TBC1D22A: variants seen among roughly 807,000 people sequenced by gnomAD.
The protein encoded by TBC1D22A is putative GTPase activator.
A neutral mutation model predicts 60.2 loss-of-function variants in TBC1D22A; 38 were observed. That is an observed-to-expected ratio of 0.63 (90% CI 0.49 to 0.83). The LOEUF (loss-of-function observed/expected upper bound fraction) is 0.83, where lower values mean the gene tolerates loss of function less well. Ranked by LOEUF, TBC1D22A falls within the 40% of genes least tolerant of loss-of-function variation. The pLI, the probability that TBC1D22A is intolerant of heterozygous loss-of-function variation, is 0.00. For missense variants in TBC1D22A, 628 were observed against 701.0 expected, an observed-to-expected ratio of 0.90 and a Z score of 1.18; for synonymous variants, 302 against 281.7, an observed-to-expected ratio of 1.07 and a Z score of -0.72.
chr22:47,091,943 T>C (rs1468563573), intron 11 of TBC1D22A, among the ~76,000 whole-genome samples: 1 of 152,256 alleles, frequency 6.6e-6, no homozygotes, highest in African/African-American at 2.4e-5. Flanking sequence ...GTGTCATCTC[T>C]AATTCTTACC....
chr22:47,166,463 G>A (rs2068213013), intron 12 of TBC1D22A, among the ~76,000 whole-genome samples: 2 of 151,994 alleles, frequency 1.3e-5, no homozygotes, highest in Admixed American at 1.3e-4. Flanking sequence ...ACATTCTTTT[G>A]TTCTTAATAA....
chr22:46,998,832 A>G (rs1031715582), intron 10 of TBC1D22A, among the ~76,000 whole-genome samples: 2 of 152,218 alleles, frequency 1.3e-5, no homozygotes, highest in Non-Finnish European at 2.9e-5. Context: ...TCAACCCATC[A>G]TCTGTTAAAA....
At chr22:47,073,790 A>G (rs1236252254) in intron 11 of TBC1D22A, among the ~76,000 whole-genome samples, 1 of 152,210 alleles carries the variant, frequency 6.6e-6, no homozygotes, top group Non-Finnish European at 1.5e-5. Flanking sequence ...TAGGCCTTAA[A>G]GACACCACCC....
chr22:47,135,116 T>C (rs1348758899), intron 12 of TBC1D22A, among the ~76,000 whole-genome samples: 1 of 152,212 alleles, frequency 6.6e-6, no homozygotes, highest in African/African-American at 2.4e-5. Flanking sequence ...CTGCCGAGTG[T>C]CTTCCTCAGG....
At chr22:46,881,867 C>T (rs2067868357) in intron 5 of TBC1D22A, among the ~76,000 whole-genome samples, 1 of 152,220 alleles carries the variant, frequency 6.6e-6, no homozygotes, top group Admixed American at 6.5e-5. Context: ...CCCAGGCAGT[C>T]ATGCTGCACC....
chr22:47,021,695 T>TAATATGTG (rs2062095738), intron 10 of TBC1D22A, among the ~76,000 whole-genome samples: 1 of 152,238 alleles, frequency 6.6e-6, no homozygotes, highest in Non-Finnish European at 1.5e-5. Flanking sequence ...CTGTGACCCA[T>TAATATGTG]ACAGACTCAT....
chr22:47,109,139 A>G (rs2065750992), intron 11 of TBC1D22A, among the ~76,000 whole-genome samples: 1 of 152,224 alleles, frequency 6.6e-6, no homozygotes, highest in South Asian at 2.1e-4. Context: ...GCCCTGCGTG[A>G]GGTTAGAGGT....
intron 11 of TBC1D22A, among the ~76,000 whole-genome samples, chr22:47,061,450 C>T (rs374926949): frequency 2.0e-5 from 3 of 152,174 alleles, no homozygotes; most frequent in East Asian, 3.9e-4. Flanking sequence ...CTTTCCTGCT[C>T]GTCCTCAGCC....
chr22:47,012,182 C>T (rs1043654754), intron 10 of TBC1D22A, among the ~76,000 whole-genome samples: 12 of 152,044 alleles, frequency 7.9e-5, no homozygotes, highest in Non-Finnish European at 1.5e-4. Context: ...ATTTATTTTC[C>T]ACCACCCCAA....
chr22:47,074,724 C>T (rs2064133491), intron 11 of TBC1D22A, among the ~76,000 whole-genome samples: 1 of 152,212 alleles, frequency 6.6e-6, no homozygotes, highest in Admixed American at 6.5e-5. Context: ...ACAGATGCTC[C>T]ATGTCATCCT....
At chr22:46,958,883 C>T (rs912068933) in intron 8 of TBC1D22A, among the ~76,000 whole-genome samples, 16 of 152,254 alleles carry the variant, frequency 1.1e-4, no homozygotes, top group Admixed American at 2.6e-4. Context: ...CAGCAGCCTT[C>T]TCATTGTCTG....
chr22:46,966,607 G>A (rs1485347779), intron 8 of TBC1D22A, among the ~76,000 whole-genome samples: 1 of 152,176 alleles, frequency 6.6e-6, no homozygotes, highest in Non-Finnish European at 1.5e-5. Context: ...CTATGAGATT[G>A]GAATTTTTGC....
At chr22:46,915,283 T>C (rs2070278233) in intron 8 of TBC1D22A, 1 of 408,342 alleles carries the variant, frequency 2.4e-6, no homozygotes, top group Non-Finnish European at 5.0e-6. Context: ...ACGGGTGCCC[T>C]CCAGAGAGGC....
chr22:46,908,375 C>A (rs1398054239), intron 7 of TBC1D22A, among the ~76,000 whole-genome samples: 2 of 152,156 alleles, frequency 1.3e-5, no homozygotes, highest in Non-Finnish European at 2.9e-5. Context: ...GTGCCTTTAG[C>A]GGCAGAGCCA....
At chr22:47,103,461 A>T (rs796459503) in intron 11 of TBC1D22A, among the ~76,000 whole-genome samples, 76 of 152,288 alleles carry the variant, frequency 5.0e-4, no homozygotes, top group African/African-American at 1.8e-3. Context: ...CAAGGCTGCA[A>T]AGGGTTGGAA....
intron 11 of TBC1D22A, among the ~76,000 whole-genome samples, chr22:47,099,893 G>A (rs1046079893): frequency 2.0e-5 from 3 of 152,156 alleles, no homozygotes; most frequent in Admixed American, 1.3e-4. Context: ...GAGGTGCAAC[G>A]TGCTGACCTT....
intron 12 of TBC1D22A, among the ~76,000 whole-genome samples, chr22:47,120,682 C>T (rs1288734984): frequency 2.0e-5 from 3 of 152,234 alleles, no homozygotes; most frequent in Non-Finnish European, 4.4e-5. Context: ...GACAGACAGA[C>T]AAAATGGCCC....
chr22:47,107,820 A>G (rs1157690874), intron 11 of TBC1D22A, among the ~76,000 whole-genome samples: 1 of 152,266 alleles, frequency 6.6e-6, no homozygotes, highest in African/African-American at 2.4e-5. Context: ...TGCTGGAACA[A>G]TTGGATATCC....
chr22:46,861,835 C>G (rs1420490566), intron 4 of TBC1D22A, among the ~76,000 whole-genome samples: 2 of 152,200 alleles, frequency 1.3e-5, no homozygotes, highest in African/African-American at 4.8e-5. Context: ...TGGCTATGAT[C>G]GGTGTTGACC....
Sources: allele counts gnomAD v4.1 joint callset (sites outside exome capture counted in the v4.1 genomes callset), GRCh38; gene constraint gnomAD v4.1.1; transcripts MANE v1.5; gene names NCBI Gene and HGNC (gene_info 2026-07-23, HGNC 2026-07-21).